The following CFAP299 variants were observed in gnomAD, a reference collection of about 807,000 sequenced individuals.
The protein encoded by CFAP299 is cilia- and flagella-associated protein 299.
Under a neutral mutation model 27.0 loss-of-function variants are expected in CFAP299, and 21 were observed. That is an observed-to-expected ratio of 0.78 (90% confidence interval 0.55 to 1.12). CFAP299 has a LOEUF of 1.12. Among genes scored for constraint, CFAP299 ranks in the 50% most tolerant of loss-of-function variants. The pLI, the probability that CFAP299 is intolerant of heterozygous loss-of-function variation, is 0.00. For synonymous variants in CFAP299, 104 were observed against 98.1 expected (o/e 1.06, Z -0.36); for missense variants, 310 against 276.6 (o/e 1.12, Z -0.86).
chr4:80,758,292 T>C (rs1202839669), intron 3 of CFAP299, among the ~76,000 whole-genome samples: 2 of 152,156 alleles, frequency 1.3e-5, no homozygotes, highest in Non-Finnish European at 2.9e-5. Context: ...TCCTGGAGTC[T>C]GGTTGTCCCA....
chr4:80,771,411 C>T (rs949341285), intron 3 of CFAP299, among the ~76,000 whole-genome samples: 3 of 152,104 alleles, frequency 2.0e-5, no homozygotes, highest in Non-Finnish European at 4.4e-5. Context: ...AATTACAATG[C>T]TCGATGGTAA....
intron 5 of CFAP299, among the ~76,000 whole-genome samples, chr4:80,956,200 T>A (rs1054535687): frequency 6.6e-6 from 1 of 152,184 alleles, no homozygotes. Flanking sequence ...ATATATGTAT[T>A]TTGTAAAGCT....
At position 80,684,699 on chromosome 4, in the gene CFAP299, T is replaced by C. The variant is rs543656011; in HGVS notation, c.333+101516T>C. ...TCTTTTTTTTGTTGTTGTTGTTCTT[T>C]AATGAATGGATACAGTTTAACCACT... is the stretch of plus-strand genomic sequence containing the variant. On this transcript the variant is annotated intron_variant, in intron 3 of 5. Coordinates refer to ENST00000358105, the MANE Select transcript of CFAP299 (RefSeq NM_152770.3). 2.6e-5 allele frequency among the ~76,000 whole-genome samples: 4 copies of C among 152,338 alleles called. No homozygotes were observed. The East Asian group carries it at 7.7e-4, about 29-fold the overall frequency.
intron 3 of CFAP299, among the ~76,000 whole-genome samples, chr4:80,656,397 C>A (rs990029891): frequency 1.3e-5 from 2 of 152,010 alleles, no homozygotes; most frequent in African/African-American, 4.8e-5. Flanking sequence ...CCCGACAGAC[C>A]CCTGTGTGTG....
At chr4:80,819,321 G>A (rs570243130) in intron 3 of CFAP299, among the ~76,000 whole-genome samples, 84 of 152,234 alleles carry the variant, frequency 5.5e-4, no homozygotes, top group Non-Finnish European at 9.7e-4. Context: ...GCCAAGCATA[G>A]TTTGGTGAAT....
chr4:80,627,105 T>G (rs1738948319), intron 3 of CFAP299, among the ~76,000 whole-genome samples: 1 of 151,826 alleles, frequency 6.6e-6, no homozygotes, highest in African/African-American at 2.4e-5. Context: ...CAACAAAATA[T>G]TAGCACACTG....
At chr4:80,669,139 T>G (rs78104106) in intron 3 of CFAP299, among the ~76,000 whole-genome samples, 1 of 22,110 alleles carries the variant, frequency 4.5e-5, no homozygotes, top group African/African-American at 1.1e-4. Flanking sequence ...CTGTCTTTCT[T>G]TCTTTCTTTC....
intron 2 of CFAP299, among the ~76,000 whole-genome samples, chr4:80,428,693 ATT>A (rs397880702): frequency 9.2e-4 from 16 of 17,362 alleles, no homozygotes; most frequent in African/African-American, 1.0e-3. Context: ...TGCCTCGCTA[ATT>A]TTTTTTTTTT....
chr4:80,580,366 T>C (rs1050248938), intron 2 of CFAP299, among the ~76,000 whole-genome samples: 5 of 151,976 alleles, frequency 3.3e-5, no homozygotes, highest in African/African-American at 4.8e-5. Flanking sequence ...GTTGCCCAAG[T>C]GAAAGTTAGG....
intron 3 of CFAP299, among the ~76,000 whole-genome samples, chr4:80,683,932 G>C (rs980207807): frequency 1.1e-4 from 16 of 152,246 alleles, no homozygotes; most frequent in African/African-American, 3.9e-4. Flanking sequence ...GAGTTTGAGT[G>C]TACATTTCTT....
At chr4:80,376,536 G>A (rs1158246436) in intron 2 of CFAP299, among the ~76,000 whole-genome samples, 4 of 152,192 alleles carry the variant, frequency 2.6e-5, no homozygotes, top group African/African-American at 9.7e-5. Flanking sequence ...CCTTAGCAAG[G>A]TGTTAGAGTC....
At chr4:80,370,964 G>A (rs1258748321) in intron 2 of CFAP299, among the ~76,000 whole-genome samples, 1 of 152,226 alleles carries the variant, frequency 6.6e-6, no homozygotes, top group Non-Finnish European at 1.5e-5. Context: ...CCCTAGAAGA[G>A]GTTCTCCATG....
intron 5 of CFAP299, among the ~76,000 whole-genome samples, chr4:80,958,406 T>C (rs1308032592): frequency 6.6e-6 from 1 of 152,176 alleles, no homozygotes; most frequent in Non-Finnish European, 1.5e-5. Context: ...AACTTCTTAC[T>C]GAACTGATGC....
At chr4:80,670,131 A>C (rs1382651403) in intron 3 of CFAP299, among the ~76,000 whole-genome samples, 1 of 151,840 alleles carries the variant, frequency 6.6e-6, no homozygotes, top group Non-Finnish European at 1.5e-5. Flanking sequence ...AATGCTATCC[A>C]TCCTCTTGCC....
rs1578192550 is a variant in CFAP299, at chr4:80,861,051, T to G, written c.334-8942T>G. Among the ~76,000 whole-genome samples the G allele has an allele frequency of 2.0e-5, 3 of 152,310 alleles. No individual in the cohort carries two copies. The East Asian group carries it at 5.8e-4, about 29-fold the overall frequency. On this transcript the variant is annotated intron_variant, in intron 3 of 5. Transcript: ENST00000358105. ...GAGGCAGGCAGGCCTCCTTGAGCTG[T>G]GGTGGGCTCCAACCAGTTGGAGCTT... is the stretch of plus-strand genomic sequence containing the variant.
intron 1 of CFAP299, among the ~76,000 whole-genome samples, chr4:80,345,338 A>C (rs1438287253): frequency 6.6e-6 from 1 of 151,942 alleles, no homozygotes; most frequent in African/African-American, 2.4e-5. Context: ...GGTTTGTTAC[A>C]TATGTATATA....
chr4:80,414,225 T>G (rs983691334), intron 2 of CFAP299, among the ~76,000 whole-genome samples: 8 of 150,940 alleles, frequency 5.3e-5, no homozygotes, highest in East Asian at 2.0e-4. Flanking sequence ...CGCCCGCCAC[T>G]ACGCCCGGCT....
intron 2 of CFAP299, among the ~76,000 whole-genome samples, chr4:80,431,044 C>G (rs1421321463): frequency 2.0e-5 from 3 of 152,166 alleles, no homozygotes; most frequent in Non-Finnish European, 4.4e-5. Flanking sequence ...AAATTACTGC[C>G]CTCTTCCTTC....
Position 80,759,360 on chromosome 4 carries a change from G to C in CFAP299, c.334-110633G>C, listed in dbSNP as rs1230639019. ...AAGGTTATAGGAAACACGACTGAAA[G>C]TGGTAGTTTAAGGTCTGATTAAAGG... On this transcript the variant is annotated intron_variant, in intron 3 of 5. Transcript: ENST00000358105. 2.0e-5 allele frequency among the ~76,000 whole-genome samples: 3 copies of C among 152,184 alleles called. No individual in the cohort carries two copies. In the East Asian group the frequency reaches 5.8e-4, roughly 29 times the overall value.
Sources: allele counts gnomAD v4.1 joint callset (sites outside exome capture counted in the v4.1 genomes callset), GRCh38; gene constraint gnomAD v4.1.1; transcripts MANE v1.5; gene names NCBI Gene and HGNC (gene_info 2026-07-23, HGNC 2026-07-21).